Variants in KLC1 observed in about 807,000 individuals in gnomAD.
KLC1 encodes kinesin light chain 1.
In KLC1, 30 loss-of-function variants were observed where a neutral mutation model predicts 84.2. The observed-to-expected ratio is 0.36, with a 90% CI of 0.27 to 0.48. The LOEUF (loss-of-function observed/expected upper bound fraction) is 0.48. KLC1 is among the 20% of genes least tolerant of loss of function. The probability of loss-of-function intolerance (pLI) is 0.99; values close to 1 mark genes in which losing one functional copy is unlikely to be tolerated. For missense variants in KLC1, 499 were observed against 805.4 expected (o/e 0.62, Z 4.60); for synonymous variants, 289 against 293.3 (o/e 0.99, Z 0.15).
At chr14:103,663,079 CAAGCTT>C (rs1203246656) in intron 5 of KLC1, 152 bp downstream of exon 5, 12 of 533,340 alleles carry the variant, frequency 2.2e-5, no homozygotes, top group African/African-American at 4.0e-5. Context: ...AAATATTTAG[CAAGCTT>C]TTTTTTTTTT....
intron 1 of KLC1, among the ~76,000 whole-genome samples, chr14:103,640,929 TA>T (rs1376067837): frequency 6.6e-6 from 1 of 151,884 alleles, no homozygotes; most frequent in Non-Finnish European, 1.5e-5. Context: ...TTATTACTAT[TA>T]TTTTTTTTTT....
At chr14:103,687,535 T>G (rs2081858160) in intron 14 of KLC1, 1 of 159,458 alleles carries the variant, frequency 6.3e-6, no homozygotes, top group East Asian at 1.7e-4. Context: ...CATTTTGAAC[T>G]TGTTTACTCT....
chr14:103,663,264 T>C (rs1171120225), intron 5 of KLC1, among the ~76,000 whole-genome samples: 1 of 151,944 alleles, frequency 6.6e-6, no homozygotes, highest in Non-Finnish European at 1.5e-5. Flanking sequence ...GTATTTTTAG[T>C]AAAGACGGGG....
chr14:103,685,423 C>T, intron 13 of KLC1: 4 of 1,194,696 alleles, frequency 3.3e-6, no homozygotes, highest in Non-Finnish European at 4.2e-6. Flanking sequence ...GGGAATGGAC[C>T]AGTCTGGATT....
In KLC1 at chr14:103,701,362, G is replaced by A; in HGVS notation, c.*163G>A. 1 of 727,872 alleles carries A rather than the reference G, an allele frequency of 1.4e-6. No homozygotes were observed. Among genetic ancestry groups the A allele is most frequent in the South Asian group, 2.1e-5 (1 of 48,270 alleles). The allele number at this position is 727,872 out of a possible 1,614,324, so 45.1% of individuals were successfully genotyped here. On this transcript the variant is annotated 3_prime_UTR_variant, in exon 17 of 17. Coordinates refer to ENST00000334553, the MANE Select transcript of KLC1 (RefSeq NM_001394837.1). ...AGGACATGATACTAATAACCACACGGCTGGCGTGACCTTGGGGCTGGGGCT... is the reference window on the plus strand; with the variant it reads ...AGGACATGATACTAATAACCACACGACTGGCGTGACCTTGGGGCTGGGGCT...
chr14:103,646,583 T>C (rs1323974219), intron 1 of KLC1, among the ~76,000 whole-genome samples: 1 of 152,212 alleles, frequency 6.6e-6, no homozygotes, highest in Non-Finnish European at 1.5e-5. Context: ...CAGTCATGGC[T>C]CACTGCAGCC....
At chr14:103,644,809 T>TG (rs948139560) in intron 1 of KLC1, among the ~76,000 whole-genome samples, 12 of 152,160 alleles carry the variant, frequency 7.9e-5, no homozygotes, top group African/African-American at 1.7e-4. Flanking sequence ...ACAATTTTTT[T>TG]GGGGGGTCAA....
In KLC1 at chr14:103,629,501, C is replaced by T. The variant is rs1477217566; in HGVS notation, c.-2+7C>T. 3.3e-5 allele frequency: 5 copies of T among 152,566 alleles called. No homozygotes were observed. The highest frequency in any genetic ancestry group is 7.3e-5 in the Non-Finnish European group (5 of 68,346). 9.5% of individuals were successfully genotyped at this position (152,566 alleles called of 1,614,324 possible). A position where few individuals can be genotyped will look rare whatever the true frequency, so the allele number is the denominator to read the frequency against. On this transcript the variant is annotated splice_region_variant and intron_variant, in intron 1 of 16. Transcript: ENST00000334553. ...GGCCCTCAGGAGCAAGGCGGTGAGT[C>T]CCCGGCGTGCGCCCCGGACCGCGGC...
chr14:103,695,337 GTGTATATA>G lies in KLC1; in HGVS notation c.1848+2914_1848+2921del, dbSNP rs1461414223. 282 of 526,776 alleles carry G rather than the reference GTGTATATA, an allele frequency of 5.4e-4. 1 individual carries two copies. The South Asian group carries it at 6.4e-3, about 12-fold the overall frequency. 32.6% of individuals were successfully genotyped at this position (526,776 alleles called of 1,614,324 possible). A position where few individuals can be genotyped will look rare whatever the true frequency, so the allele number is the denominator to read the frequency against. On this transcript the variant is annotated intron_variant, in intron 15 of 16. Transcript: ENST00000334553. ...TGTATATATATATATATGTGTGTGT[GTGTATATA>G]TATATATATATATATACATACATAT...
chr14:103,666,773 CT>C (rs2079882056), intron 5 of KLC1, among the ~76,000 whole-genome samples: 4 of 104,698 alleles, frequency 3.8e-5, no homozygotes, highest in Admixed American at 2.1e-4. Flanking sequence ...CATTTTTTTT[CT>C]TTCTTTTTTT....
At chr14:103,680,746 C>A (rs1331463101) in intron 13 of KLC1, among the ~76,000 whole-genome samples, 1 of 152,204 alleles carries the variant, frequency 6.6e-6, no homozygotes, top group Non-Finnish European at 1.5e-5. Flanking sequence ...GTACTGTACT[C>A]TTCTCTTGGT....
intron 1 of KLC1, among the ~76,000 whole-genome samples, chr14:103,643,020 C>G (rs903581871): frequency 1.3e-5 from 2 of 152,154 alleles, no homozygotes; most frequent in African/African-American, 4.8e-5. Context: ...ATCCACCCAC[C>G]ATGGCCTCCC....
chr14:103,657,645 C>T lies in KLC1; in HGVS notation c.361C>T (p.Arg121Trp), dbSNP rs781074625. 1.9e-6 allele frequency: 3 copies of T among 1,614,076 alleles called. No individual in the cohort carries two copies. The highest frequency in any genetic ancestry group is 2.5e-6 in the Non-Finnish European group (3 of 1,180,030). ...TCTGTGCCAGGAGAATCAGTGGCTA[C>T]GGGATGAACTGGCCAACACGCAGCA... is the stretch of plus-strand genomic sequence containing the variant. ...RRLCQENQWL[R>W]DELANTQQKL... The change falls in exon 3 of 17, where the codon CGG (arginine) becomes TGG (tryptophan). Residue 121 changes from arginine to tryptophan, a missense_variant. Around this residue, in one of 3 missense-constraint regions of KLC1, gnomAD observed 179 missense variants for 264.2 expected, o/e 0.68. Coordinates refer to ENST00000334553, the MANE Select transcript of KLC1 (RefSeq NM_001394837.1).
chr14:103,696,304 G>T, intron 15 of KLC1: 1 of 985,410 alleles, frequency 1.0e-6, no homozygotes, highest in Non-Finnish European at 1.2e-6. Flanking sequence ...TCAGAGGCCG[G>T]TGGTGCCCGC....
intron 1 of KLC1, among the ~76,000 whole-genome samples, chr14:103,652,945 C>G (rs1377814955): frequency 6.6e-6 from 1 of 152,188 alleles, no homozygotes; most frequent in Non-Finnish European, 1.5e-5. Flanking sequence ...GATGCAGAGA[C>G]TAACGTGACC....
At chr14:103,678,225 T>C (rs2081077564) in intron 12 of KLC1, among the ~76,000 whole-genome samples, 1 of 152,178 alleles carries the variant, frequency 6.6e-6, no homozygotes, top group Non-Finnish European at 1.5e-5. Flanking sequence ...ATTGCACTAC[T>C]GCACTCCAGC....
intron 1 of KLC1, among the ~76,000 whole-genome samples, chr14:103,632,780 A>G (rs962911492): frequency 2.6e-5 from 4 of 152,136 alleles, no homozygotes; most frequent in Non-Finnish European, 5.9e-5. Flanking sequence ...ACAGGCTGGC[A>G]TGGGCAGGTA....
chr14:103,648,188 A>G (rs1177344168), intron 1 of KLC1, among the ~76,000 whole-genome samples: 1 of 152,026 alleles, frequency 6.6e-6, no homozygotes. Context: ...TGACCTCGTG[A>G]TTTGCCTGCC....
chr14:103,691,458 CTTTTTTTTT>C (rs71126053), intron 14 of KLC1, among the ~76,000 whole-genome samples: 40,510 of 68,330 alleles, frequency 0.59, 11,469 homozygotes, highest in Non-Finnish European at 0.67. Context: ...CCACGCCTGG[CTTTTTTTTT>C]TTTTTTTTTT....
Sources: gnomAD v4.1 joint callset for allele counts (sites outside exome capture counted in the v4.1 genomes callset) on GRCh38, gnomAD v4.1.1 for gene constraint, gnomAD v4.1.1 regional missense constraint, MANE v1.5 for transcripts, NCBI Gene and HGNC (gene_info 2026-07-23, HGNC 2026-07-21) for gene names.